The following ARHGEF12 variants were observed in gnomAD, a reference collection of about 807,000 sequenced individuals.
The protein encoded by ARHGEF12 is KMT2A/ARHGEF12 fusion protein.
A neutral mutation model predicts 211.2 loss-of-function variants in ARHGEF12; 66 were observed. The observed-to-expected ratio is 0.31, with a 90% CI of 0.26 to 0.38. The LOEUF (loss-of-function observed/expected upper bound fraction) is 0.38. Ranked by LOEUF, ARHGEF12 falls within the 10% of genes least tolerant of loss-of-function variation. The pLI is 1.00. For synonymous variants in ARHGEF12, 592 were observed against 638.4 expected (o/e 0.93, Z 1.09); for missense variants, 1,429 against 1,869.5 (o/e 0.76, Z 4.34).
intron 27 of ARHGEF12, among the ~76,000 whole-genome samples, chr11:120,461,985 T>TTCAGACTTCCTCCATACCAGC (rs1555119012): frequency 6.6e-6 from 1 of 152,064 alleles, no homozygotes; most frequent in Non-Finnish European, 1.5e-5. Flanking sequence ...TTATACAGAC[T>TTCAGACTTCCTCCATACCAGC]AATAGGCTGT....
At chr11:120,359,190 A>G (rs2135351631) in intron 1 of ARHGEF12, among the ~76,000 whole-genome samples, 1 of 152,200 alleles carries the variant, frequency 6.6e-6, no homozygotes, top group South Asian at 2.1e-4. Context: ...TGTGGGAAGA[A>G]ACTATACAAG....
intron 37 of ARHGEF12, among the ~76,000 whole-genome samples, chr11:120,479,188 G>T (rs1947156753): frequency 6.6e-6 from 1 of 152,184 alleles, no homozygotes; most frequent in African/African-American, 2.4e-5. Context: ...GAGCATCAGA[G>T]CCATGAGACT....
chr11:120,477,210 T>C lies in ARHGEF12; in HGVS notation c.3366-9T>C. ...TTTGTATTTTGGATTTCTTTCCAAC[T>C]TTCTGAAGCTGGCAGGACCTAATCT... On this transcript the variant is annotated splice_polypyrimidine_tract_variant and intron_variant, in intron 34 of 40. Transcript: ENST00000397843. The C allele has an allele frequency of 6.2e-7, 1 of 1,613,576 alleles. No individual in the cohort carries two copies. Among genetic ancestry groups the C allele is most frequent in the Non-Finnish European group, 8.5e-7 (1 of 1,179,820 alleles).
chr11:120,362,867 G>A (rs1385804731), intron 1 of ARHGEF12, among the ~76,000 whole-genome samples: 3 of 152,166 alleles, frequency 2.0e-5, no homozygotes, highest in Non-Finnish European at 2.9e-5. Flanking sequence ...TTGGGAGGCC[G>A]AGGCGGGCGG....
Position 120,446,237 on chromosome 11 carries a change from T to TAAA in ARHGEF12, c.1346-165_1346-164insAAA, listed in dbSNP as rs1435691305. 8.4e-5 allele frequency among the ~76,000 whole-genome samples: 12 copies of TAAA among 142,596 alleles called. 1 individual carries two copies. The South Asian group carries it at 1.8e-3, about 21-fold the overall frequency. The allele number at this position is 142,596 out of a possible 152,430, so 93.5% of individuals were successfully genotyped here. On this transcript the variant is annotated intron_variant, in intron 16 of 40. Transcript: ENST00000397843. ...ATAATAATAATAATAATAATAATAATAGAGTAAATGAAATCAGAATTCTGG... is the reference window on the plus strand; with the variant it reads ...ATAATAATAATAATAATAATAATAATAAAAGAGTAAATGAAATCAGAATTCTGG...
chr11:120,485,056 A>G lies in ARHGEF12; in HGVS notation c.4625-11A>G, dbSNP rs1947364086. 14 of 1,612,932 alleles carry G rather than the reference A, an allele frequency of 8.7e-6. No homozygotes were observed. Among genetic ancestry groups the G allele is most frequent in the African/African-American group, 1.3e-5 (1 of 75,034 alleles). On this transcript the variant is annotated splice_polypyrimidine_tract_variant and intron_variant, in intron 40 of 40. Coordinates refer to ENST00000397843, the MANE Select transcript of ARHGEF12 (RefSeq NM_015313.3). ...CTTAATATCATTTCCATGTATCTTT[A>G]TTCTTCTCAGATAAAAGTTAGAGCC... is the stretch of plus-strand genomic sequence containing the variant.
chr11:120,349,962 C>T (rs1435586949), intron 1 of ARHGEF12, among the ~76,000 whole-genome samples: 1 of 152,096 alleles, frequency 6.6e-6, no homozygotes, highest in African/African-American at 2.4e-5. Flanking sequence ...CAATTCAGAC[C>T]GTGGAACATC....
rs17123859 is a variant in ARHGEF12, at chr11:120,385,200, A to G, written c.33-20918A>G. On this transcript the variant is annotated intron_variant, in intron 1 of 40. Transcript: ENST00000397843. ...TGAGTGATATTCTAGGGAAATGTAT[A>G]TGGATGCTGTTCTCTGTCTTTCCAT... The G allele has an allele frequency of 1.7e-3, 947 of 571,484 alleles. 6 individuals are homozygous for G. Among genetic ancestry groups the G allele is most frequent in the African/African-American group, 0.015 (755 of 49,082 alleles). 35.4% of individuals were successfully genotyped at this position (571,484 alleles called of 1,614,324 possible).
At chr11:120,350,777 C>T (rs1942910889) in intron 1 of ARHGEF12, among the ~76,000 whole-genome samples, 1 of 152,086 alleles carries the variant, frequency 6.6e-6, no homozygotes, top group Admixed American at 6.5e-5. Context: ...GAGGAAGTAA[C>T]ATTTTATGGA....
chr11:120,437,318 G>A lies in ARHGEF12; in HGVS notation c.935G>A (p.Ser312Asn), dbSNP rs567481638. 8 of 1,611,864 alleles carry A rather than the reference G, an allele frequency of 5.0e-6. 1 individual carries two copies. Among genetic ancestry groups the A allele is most frequent in the South Asian group, 3.3e-5 (3 of 90,842 alleles). The change falls in exon 12 of 41, where the codon AGT becomes AAT. Residue 312 changes from serine (S) to asparagine (N), a missense_variant. By Grantham distance (46) the Ser-to-Asn change is conservative. Coordinates refer to ENST00000397843, the MANE Select transcript of ARHGEF12 (RefSeq NM_015313.3). ...PSSDNADSPK[S>N]GPKERIYLEE... Reference sequence around the variant, plus strand: ...TGTTTTTTTCATTAGAGTCCCAAGAGTGGCCCAAAAGAGAGAATTTATCTA... The same window carrying A: ...TGTTTTTTTCATTAGAGTCCCAAGAATGGCCCAAAAGAGAGAATTTATCTA...
intron 10 of ARHGEF12, 128 bp from the exon 11 acceptor site, chr11:120,431,643 C>A (rs1945537217): frequency 2.1e-6 from 2 of 930,676 alleles, no homozygotes; most frequent in Admixed American, 3.7e-5. Context: ...CATACTTGAG[C>A]ATATCAGAAT....
At chr11:120,346,180 A>G (rs1030452044) in intron 1 of ARHGEF12, among the ~76,000 whole-genome samples, 7 of 152,276 alleles carry the variant, frequency 4.6e-5, no homozygotes, top group Admixed American at 4.6e-4. Context: ...TTTTGCACCT[A>G]CTCCATAATA....
intron 21 of ARHGEF12, 102 bp downstream of exon 21, chr11:120,449,316 G>A: frequency 1.0e-6 from 1 of 956,564 alleles, no homozygotes; most frequent in Non-Finnish European, 1.6e-6. Flanking sequence ...GAGTTGTTAG[G>A]ATGATTTTAC....
intron 36 of ARHGEF12, 79 bp downstream of exon 36, chr11:120,477,605 C>A: frequency 7.3e-7 from 1 of 1,370,260 alleles, no homozygotes; most frequent in Non-Finnish European, 1.0e-6. Context: ...TGGCTCATGC[C>A]TGTAATCCCA....
At chr11:120,484,070 G>A (rs1040616830) in intron 39 of ARHGEF12, among the ~76,000 whole-genome samples, 2 of 152,132 alleles carry the variant, frequency 1.3e-5, no homozygotes, top group African/African-American at 4.8e-5. Context: ...TAATCTTAAG[G>A]GACCATCATC....
At chr11:120,373,181 A>G (rs1943635167) in intron 1 of ARHGEF12, among the ~76,000 whole-genome samples, 1 of 152,180 alleles carries the variant, frequency 6.6e-6, no homozygotes, top group Non-Finnish European at 1.5e-5. Context: ...AATCCTTTTC[A>G]ACCATATAAG....
chr11:120,337,289 C>G lies in ARHGEF12; in HGVS notation c.32+14C>G. 6.2e-7 allele frequency: 1 copy of G among 1,613,990 alleles called. No homozygotes were observed. Among genetic ancestry groups the G allele is most frequent in the Non-Finnish European group, 8.5e-7 (1 of 1,179,994 alleles). On this transcript the variant is annotated intron_variant, in intron 1 of 40. Coordinates refer to ENST00000397843, the MANE Select transcript of ARHGEF12 (RefSeq NM_015313.3). ...TATCACCGACAGGTTGGTATGAATT[C>G]CTCCTTCGTTCGGCCTCCCGGAATC...
intron 15 of ARHGEF12, among the ~76,000 whole-genome samples, chr11:120,445,028 G>A (rs1379670994): frequency 6.6e-6 from 1 of 152,136 alleles, no homozygotes; most frequent in African/African-American, 2.4e-5. Flanking sequence ...ATGGCTATAT[G>A]TGAGTACATT....
chr11:120,451,786 T>A, intron 22 of ARHGEF12, 62 bp downstream of exon 22: 1 of 1,458,162 alleles, frequency 6.9e-7, no homozygotes, highest in Non-Finnish European at 9.4e-7. Context: ...ACACACTAAC[T>A]GAAAAATAGA....
Sources: gnomAD v4.1 joint callset for allele counts (sites outside exome capture counted in the v4.1 genomes callset) on GRCh38, gnomAD v4.1.1 for gene constraint, MANE v1.5 for transcripts, NCBI Gene and HGNC (gene_info 2026-07-23, HGNC 2026-07-21) for gene names.